Variants in ATP10A observed in about 807,000 individuals in gnomAD.
ATP10A encodes ATPase phospholipid transporting 10A (putative), also known as phospholipid-transporting ATPase VA.
Under a neutral mutation model 147.8 loss-of-function variants are expected in ATP10A, and 111 were observed. The observed-to-expected ratio is 0.75, with a 90% CI of 0.64 to 0.88. The LOEUF is 0.88. ATP10A is among the 40% of genes least tolerant of loss of function. ATP10A has a pLI of 0.00. For missense variants in ATP10A, 1,927 were observed against 1,959.0 expected (o/e 0.98, Z 0.31); for synonymous variants, 875 against 841.6 (o/e 1.04, Z -0.69).
At chr15:25,863,979 C>T (rs980687345), upstream of ATP10A, among the ~76,000 whole-genome samples, 3 of 152,182 alleles carry the variant, frequency 2.0e-5, no homozygotes, top group Non-Finnish European at 4.4e-5. Flanking sequence ...AGAAATATAT[C>T]GCTATAGCAA....
At position 25,726,079 on chromosome 15, in the gene ATP10A, T is replaced by C. The variant is rs375975933; in HGVS notation, c.851A>G (p.His284Arg). The change falls in exon 5 of 21, where the codon CAT becomes CGT. Residue 284 changes from histidine to arginine, a missense_variant. Physicochemically the swap from His to Arg is conservative, Grantham distance 29. Coordinates refer to ENST00000555815, the MANE Select transcript of ATP10A (RefSeq NM_024490.4). Reference protein sequence around the residue: ...AVVGIVIYAGHETKALLNNSG... With the variant: ...AVVGIVIYAGRETKALLNNSG... ...GTTGTTCAGCAGAGCCTTGGTTTCA[T>C]GTCCTGTCGGGGAGGACAAAGAGAC... 7 of 1,613,614 alleles carry C rather than the reference T, an allele frequency of 4.3e-6. No individual in the cohort carries two copies. In the African/African-American group the frequency reaches 9.3e-5, roughly 22 times the overall value.
intron 8 of ATP10A, 26 bp downstream of exon 8, chr15:25,718,156 C>A (rs969936945): frequency 6.2e-7 from 1 of 1,603,198 alleles, no homozygotes; most frequent in South Asian, 1.1e-5. Context: ...GTGGCAGCAC[C>A]CTAGCAGGAG....
In ATP10A at chr15:25,679,981, A is replaced by C; in HGVS notation, c.3867-7T>G. ...GAGGGATCTGAAAAACAATCTAGAA[A>C]AAGTACATTAAAACAAAAAGTTAGA... On this transcript the variant is annotated splice_region_variant and splice_polypyrimidine_tract_variant and intron_variant, in intron 20 of 20. Transcript: ENST00000555815. 6.3e-7 allele frequency: 1 copy of C among 1,590,162 alleles called. No homozygotes were observed. The highest frequency in any genetic ancestry group is 2.3e-5 in the East Asian group (1 of 44,316).
chr15:25,746,925 T>C (rs1887871135), intron 2 of ATP10A, among the ~76,000 whole-genome samples: 2 of 152,096 alleles, frequency 1.3e-5, no homozygotes, highest in Non-Finnish European at 2.9e-5. Context: ...CTGGTAAGTG[T>C]AATGCAAATA....
intron 1 of ATP10A, among the ~76,000 whole-genome samples, chr15:25,854,290 ATTACATTAATAT>A (rs1398821942): frequency 6.6e-6 from 1 of 152,232 alleles, no homozygotes; most frequent in Non-Finnish European, 1.5e-5. Flanking sequence ...AAAAGGATCA[ATTACATTAATAT>A]CCACTGATCA....
chr15:25,707,942 C>A, intron 12 of ATP10A, 34 bp downstream of exon 12: 1 of 1,606,814 alleles, frequency 6.2e-7, no homozygotes, highest in Non-Finnish European at 8.5e-7. Flanking sequence ...AAACTCCACA[C>A]TGCCCTTAGG....
chr15:25,684,949 A>C (rs764171690), intron 16 of ATP10A, among the ~76,000 whole-genome samples: 1 of 152,164 alleles, frequency 6.6e-6, no homozygotes. Flanking sequence ...CTTTCCCTAC[A>C]TGCTGAAAAC....
intron 1 of ATP10A, among the ~76,000 whole-genome samples, chr15:25,846,924 C>A (rs1043279511): frequency 6.6e-6 from 1 of 152,102 alleles, no homozygotes; most frequent in African/African-American, 2.4e-5. Flanking sequence ...TACACACACC[C>A]CCACTTTGGG....
chr15:25,704,985 T>C (rs1308966916), intron 12 of ATP10A, among the ~76,000 whole-genome samples: 1 of 152,136 alleles, frequency 6.6e-6, no homozygotes, highest in Admixed American at 6.5e-5. Context: ...GTTTTAGACA[T>C]TTAGAGAAAC....
At chr15:25,718,834 G>A (rs905291658) in intron 7 of ATP10A, among the ~76,000 whole-genome samples, 4 of 152,132 alleles carry the variant, frequency 2.6e-5, no homozygotes, top group South Asian at 2.1e-4. Context: ...CCACATGGAC[G>A]GTGGCCACCA....
At chr15:25,688,435 G>A (rs1397873005) in intron 15 of ATP10A, among the ~76,000 whole-genome samples, 1 of 152,196 alleles carries the variant, frequency 6.6e-6, no homozygotes, top group African/African-American at 2.4e-5. Flanking sequence ...TTCCTCCATG[G>A]ACAGGCAGGA....
At position 25,679,630 on chromosome 15, in the gene ATP10A, C is replaced by A. The variant is rs760346975; in HGVS notation, c.4211G>T (p.Arg1404Met). ...MSSAPGEAVL[R>M]SPGGCPEESK... The stretch of plus-strand genomic sequence containing the variant: ...CTCCTCAGGACACCCTCCTGGACTC[C>A]TCAGGACAGCCTCCCCTGGCGCAGA... Residue 1404 changes from arginine (R) to methionine (M), a missense_variant, in exon 21 of 21, where the codon AGG becomes ATG. Transcript: ENST00000555815. The A allele has an allele frequency of 2.3e-5, 37 of 1,613,232 alleles. No individual in the cohort carries two copies. The highest frequency in any genetic ancestry group is 1.0e-4 in the Admixed American group (6 of 60,002).
At chr15:25,731,425 A>AT (rs922010321) in intron 3 of ATP10A, among the ~76,000 whole-genome samples, 3 of 152,252 alleles carry the variant, frequency 2.0e-5, no homozygotes, top group Admixed American at 6.5e-5. Flanking sequence ...CTGCTTTACA[A>AT]TGTGAAATGG....
At chr15:25,734,836 T>C (rs1019780147) in intron 3 of ATP10A, among the ~76,000 whole-genome samples, 1 of 152,080 alleles carries the variant, frequency 6.6e-6, no homozygotes, top group Non-Finnish European at 1.5e-5. Context: ...TTCACTTCCG[T>C]TGGGTCATCC....
At chr15:25,764,601 C>G (rs1291865116) in intron 2 of ATP10A, among the ~76,000 whole-genome samples, 3 of 152,208 alleles carry the variant, frequency 2.0e-5, no homozygotes, top group Non-Finnish European at 4.4e-5. Flanking sequence ...GACGCCAGAT[C>G]TACTGGCGCC....
upstream of ATP10A, chr15:25,863,733 G>A (rs1422040472): frequency 6.6e-6 from 1 of 152,204 alleles, no homozygotes; most frequent in Non-Finnish European, 1.5e-5. Context: ...GGCATCCAGT[G>A]CTCCAATTTT....
rs898627969 is a variant in ATP10A, at chr15:25,810,275, C to T, written c.450-29052G>A. Among the ~76,000 whole-genome samples the T allele has an allele frequency of 3.3e-5, 5 of 152,310 alleles. No homozygotes were observed. In the East Asian group the frequency reaches 7.7e-4, roughly 24 times the overall value. ...AAGGGCCTGGCTTAAGATCCCCTAA[C>T]GTTCCCTGTCCCTGGTCACCCGAGA... On this transcript the variant is annotated intron_variant, in intron 1 of 20. Transcript: ENST00000555815.
At chr15:25,829,009 A>T (rs2140864084) in intron 1 of ATP10A, among the ~76,000 whole-genome samples, 1 of 152,300 alleles carries the variant, frequency 6.6e-6, no homozygotes, top group Non-Finnish European at 1.5e-5. Context: ...ATAACGCTGG[A>T]ACATGTGCGA....
intron 2 of ATP10A, among the ~76,000 whole-genome samples, chr15:25,760,451 T>C (rs924070195): frequency 6.6e-6 from 1 of 152,252 alleles, no homozygotes; most frequent in African/African-American, 2.4e-5. Flanking sequence ...ATTTTAAGCC[T>C]TGGTGTTCAT....
Sources: allele counts gnomAD v4.1 joint callset (sites outside exome capture counted in the v4.1 genomes callset), GRCh38; gene constraint gnomAD v4.1.1; transcripts MANE v1.5; gene names NCBI Gene and HGNC (gene_info 2026-07-23, HGNC 2026-07-21).